Variants in NTRK2 observed in about 807,000 individuals in gnomAD.
The protein encoded by NTRK2 is BDNF/NT-3 growth factors receptor.
Under a neutral mutation model 94.5 loss-of-function variants are expected in NTRK2, and 13 were observed. The observed-to-expected ratio is 0.14, with a 90% CI of 0.09 to 0.22. NTRK2 has a LOEUF of 0.22. Among genes scored for constraint, NTRK2 ranks in the 10% least tolerant of loss-of-function variants. NTRK2 has a pLI of 1.00. For missense variants in NTRK2, 639 were observed against 1,071.2 expected (o/e 0.60, Z 5.63); for synonymous variants, 372 against 407.4 (o/e 0.91, Z 1.05).
intron 15 of NTRK2, among the ~76,000 whole-genome samples, chr9:84,944,211 TCTCTCACACA>T (rs1422560639): frequency 1.3e-3 from 176 of 139,026 alleles, no homozygotes; most frequent in African/African-American, 4.8e-3. Context: ...TCTCTCTCTC[TCTCTCACACA>T]CACACACACA....
intron 17 of NTRK2, among the ~76,000 whole-genome samples, chr9:84,959,847 C>T (rs1377409642): frequency 3.3e-5 from 5 of 152,148 alleles, no homozygotes; most frequent in South Asian, 4.1e-4. Flanking sequence ...ATGCCTGTGC[C>T]GCATTGAGAC....
At chr9:84,726,413 G>A (rs773161157) in intron 8 of NTRK2, among the ~76,000 whole-genome samples, 23 of 152,314 alleles carry the variant, frequency 1.5e-4, no homozygotes, top group Non-Finnish European at 2.8e-4. Flanking sequence ...CTTGAACCTG[G>A]GAGGCAGAGG....
At chr9:85,007,273 C>T (rs1050636619) in intron 17 of NTRK2, among the ~76,000 whole-genome samples, 7 of 152,116 alleles carry the variant, frequency 4.6e-5, no homozygotes, top group African/African-American at 9.7e-5. Context: ...AAGAGCAGCA[C>T]GTTTGAGGGA....
intron 6 of NTRK2, among the ~76,000 whole-genome samples, chr9:84,715,358 A>G (rs568667744): frequency 6.6e-5 from 10 of 151,404 alleles, no homozygotes; most frequent in African/African-American, 2.4e-4. Context: ...TTTTTTCTTT[A>G]TATCCTTAGA....
chr9:84,932,792 T>C (rs139413857), intron 14 of NTRK2, among the ~76,000 whole-genome samples: 62 of 152,262 alleles, frequency 4.1e-4, no homozygotes, highest in African/African-American at 1.3e-3. Flanking sequence ...GAAAGCTCTA[T>C]GAGAGAGTAA....
intron 12 of NTRK2, chr9:84,814,930 A>AT: frequency 9.4e-7 from 1 of 1,060,114 alleles, no homozygotes; most frequent in Non-Finnish European, 1.1e-6. Context: ...CTATGTTCAC[A>AT]TGCCTGTAGT....
intron 12 of NTRK2, among the ~76,000 whole-genome samples, chr9:84,791,646 C>A (rs942798406): frequency 6.6e-6 from 1 of 152,124 alleles, no homozygotes; most frequent in Non-Finnish European, 1.5e-5. Flanking sequence ...CTTCTTTATA[C>A]ATTGCTCGTA....
In NTRK2 at chr9:84,766,746, AAC is replaced by A. The variant is rs370604118; in HGVS notation, c.1396+14666_1396+14667del. On this transcript the variant is annotated intron_variant, in intron 12 of 18. Coordinates refer to ENST00000277120, the MANE Select transcript of NTRK2 (RefSeq NM_006180.6). Reference sequence around the variant, plus strand: ...CAATGCACACAAACCACACACATTCAACACACTTTTAATACATACATTCAACA... The same window carrying A: ...CAATGCACACAAACCACACACATTCAACACTTTTAATACATACATTCAACA... 5.3e-5 allele frequency among the ~76,000 whole-genome samples: 8 copies of A among 152,016 alleles called. No homozygotes were observed. The South Asian group carries it at 1.5e-3, about 28-fold the overall frequency.
intron 14 of NTRK2, chr9:84,877,867 G>T: frequency 1.9e-6 from 2 of 1,032,646 alleles, no homozygotes; most frequent in Non-Finnish European, 2.3e-6. Flanking sequence ...AGAGCCAAAC[G>T]CATATACCAA....
intron 14 of NTRK2, among the ~76,000 whole-genome samples, chr9:84,931,327 A>G (rs954253348): frequency 6.6e-6 from 1 of 151,912 alleles, no homozygotes; most frequent in Admixed American, 6.6e-5. Flanking sequence ...GAATTGCTTG[A>G]ACCTGGGAGG....
At chr9:84,810,917 T>C (rs1588759929) in intron 12 of NTRK2, 1 of 1,190,404 alleles carries the variant, frequency 8.4e-7, no homozygotes, top group African/African-American at 1.5e-5. Flanking sequence ...AAAAGTGTGC[T>C]TTTTGACCCT....
At chr9:84,807,427 T>G (rs901163451) in intron 12 of NTRK2, among the ~76,000 whole-genome samples, 19 of 152,320 alleles carry the variant, frequency 1.2e-4, no homozygotes, top group Non-Finnish European at 2.8e-4. Flanking sequence ...ACATCCCATT[T>G]CTCAGATAGC....
chr9:84,934,086 G>A (rs2132715603), intron 14 of NTRK2, 76 bp from the exon 15 acceptor site: 2 of 1,558,768 alleles, frequency 1.3e-6, no homozygotes, highest in Admixed American at 1.7e-5. Flanking sequence ...CTCAGGTACA[G>A]GCCACCAACT....
At chr9:84,857,237 G>A (rs2075110985) in intron 12 of NTRK2, among the ~76,000 whole-genome samples, 1 of 152,112 alleles carries the variant, frequency 6.6e-6, no homozygotes, top group South Asian at 2.1e-4. Flanking sequence ...ACATGAGATG[G>A]ATTTAATTGG....
chr9:84,819,587 C>T (rs966923432), intron 12 of NTRK2, among the ~76,000 whole-genome samples: 6 of 152,214 alleles, frequency 3.9e-5, no homozygotes, highest in African/African-American at 1.2e-4. Context: ...TGCAGGTCTC[C>T]TGCTGGCTTC....
chr9:84,744,981 A>G lies in NTRK2; in HGVS notation c.1204A>G (p.Thr402Ala), dbSNP rs754864774. The stretch of plus-strand genomic sequence containing the variant: ...CCCTTTGCCCACTTAAGATTATGGA[A>G]CTGCAGCGAATGACATCGGGGACAC... The part of the protein sequence containing the change: ...YPDVIYEDYG[T>A]AANDIGDTTN... Residue 402 changes from threonine to alanine, a missense_variant, in exon 11 of 19, where the codon ACT (threonine) becomes GCT (alanine). Physicochemically the swap from Thr to Ala is moderately conservative, Grantham distance 58. Transcript: ENST00000277120. 6 of 1,602,004 alleles carry G rather than the reference A, an allele frequency of 3.7e-6. No homozygotes were observed. The South Asian group carries it at 5.5e-5, about 15-fold the overall frequency.
At chr9:84,764,317 A>G (rs2065847062) in intron 12 of NTRK2, among the ~76,000 whole-genome samples, 1 of 152,204 alleles carries the variant, frequency 6.6e-6, no homozygotes, top group Non-Finnish European at 1.5e-5. Context: ...GGCTTAGCAT[A>G]CTTTCCTAAA....
intron 8 of NTRK2, among the ~76,000 whole-genome samples, chr9:84,724,600 C>T (rs1170532643): frequency 1.3e-5 from 2 of 151,952 alleles, no homozygotes; most frequent in Non-Finnish European, 2.9e-5. Flanking sequence ...CATTTTGTGC[C>T]TTCCTCTGTC....
At chr9:84,853,700 C>T (rs1042789551) in intron 12 of NTRK2, among the ~76,000 whole-genome samples, 3 of 152,150 alleles carry the variant, frequency 2.0e-5, no homozygotes, top group Admixed American at 6.5e-5. Context: ...ATGCTGTTGG[C>T]GTCACCCCCT....
Sources: allele counts gnomAD v4.1 joint callset (sites outside exome capture counted in the v4.1 genomes callset), GRCh38; gene constraint gnomAD v4.1.1; transcripts MANE v1.5; gene names NCBI Gene and HGNC (gene_info 2026-07-23, HGNC 2026-07-21).